SYNJ2: variants seen among roughly 807,000 people sequenced by gnomAD.
The protein encoded by SYNJ2 is synaptojanin 2.
In SYNJ2, 116 loss-of-function variants were observed where a neutral mutation model predicts 141.3. That is an observed-to-expected ratio of 0.82 (90% CI 0.71 to 0.96). The LOEUF (loss-of-function observed/expected upper bound fraction) is 0.96, where lower values mean the gene tolerates loss of function less well. Among genes scored for constraint, SYNJ2 ranks in the 40% least tolerant of loss-of-function variants. The pLI is 0.00. For missense variants in SYNJ2, 1,873 were observed against 1,934.8 expected, an observed-to-expected ratio of 0.97 and a Z score of 0.60; for synonymous variants, 745 against 777.7, an observed-to-expected ratio of 0.96 and a Z score of 0.70.
chr6:157,999,139 A>G (rs1777741814), intron 1 of SYNJ2, among the ~76,000 whole-genome samples: 1 of 152,262 alleles, frequency 6.6e-6, no homozygotes, highest in African/African-American at 2.4e-5. Context: ...TTGGCAAAGG[A>G]TATAATGAGC....
intron 2 of SYNJ2, among the ~76,000 whole-genome samples, chr6:158,020,670 C>T (rs1184680028): frequency 6.6e-6 from 1 of 151,118 alleles, no homozygotes; most frequent in Non-Finnish European, 1.5e-5. Context: ...AGCTGCGTGA[C>T]TTCAGCTGTG....
intron 1 of SYNJ2, among the ~76,000 whole-genome samples, chr6:157,999,495 A>G (rs1777756054): frequency 6.6e-6 from 1 of 152,178 alleles, no homozygotes; most frequent in South Asian, 2.1e-4. Context: ...GCCCAGATTG[A>G]GCCTGCCCTC....
intron 5 of SYNJ2, 23 bp from the exon 6 acceptor site, chr6:158,054,944 G>C: frequency 6.2e-7 from 1 of 1,612,986 alleles, no homozygotes; most frequent in Non-Finnish European, 8.5e-7. Context: ...AAGAATCACT[G>C]TTGTTACTTC....
intron 1 of SYNJ2, among the ~76,000 whole-genome samples, chr6:158,005,173 G>A (rs1308778203): frequency 4.6e-5 from 7 of 151,148 alleles, no homozygotes; most frequent in Non-Finnish European, 1.0e-4. Flanking sequence ...CGCCTCCCAG[G>A]TTCACGCCAT....
chr6:158,039,475 T>A (rs1288735755), intron 4 of SYNJ2, among the ~76,000 whole-genome samples: 1 of 152,208 alleles, frequency 6.6e-6, no homozygotes, highest in Non-Finnish European at 1.5e-5. Flanking sequence ...CTGTTTCAGG[T>A]GCCAGTGATC....
At chr6:158,081,624 TTTTTTTTTTTTC>T (rs1311685256) in intron 20 of SYNJ2, 114 bp downstream of exon 20, 13 of 462,348 alleles carry the variant, frequency 2.8e-5, no homozygotes, top group Non-Finnish European at 3.8e-5. Context: ...TTTTTTTTTT[TTTTTTTTTTTTC>T]TCTGAGACAA....
chr6:158,011,371 AGTTT>A, intron 1 of SYNJ2, among the ~76,000 whole-genome samples: 1 of 152,168 alleles, frequency 6.6e-6, no homozygotes, highest in East Asian at 1.9e-4. Flanking sequence ...GGGGCCTCCC[AGTTT>A]GTTTACAGTG....
At chr6:158,010,901 G>T in intron 1 of SYNJ2, among the ~76,000 whole-genome samples, 1 of 150,648 alleles carries the variant, frequency 6.6e-6, no homozygotes, top group Non-Finnish European at 1.5e-5. Flanking sequence ...TGCCAAAAGA[G>T]GATGGCCTCG....
intron 1 of SYNJ2, among the ~76,000 whole-genome samples, chr6:157,992,859 GTTGC>G (rs1210644335): frequency 6.6e-6 from 1 of 152,180 alleles, no homozygotes; most frequent in East Asian, 1.9e-4. Flanking sequence ...GGACACTGAA[GTTGC>G]TTCCAAATCT....
At position 158,027,087 on chromosome 6, in the gene SYNJ2, C is replaced by A; in HGVS notation, c.215-1669C>A. The A allele has an allele frequency of 2.0e-6, 2 of 985,322 alleles. No individual in the cohort carries two copies. The highest frequency in any genetic ancestry group is 2.4e-6 in the Non-Finnish European group (2 of 829,932). The allele number at this position is 985,322 out of a possible 1,614,324, so 61.0% of individuals were successfully genotyped here. On this transcript the variant is annotated intron_variant, in intron 2 of 26. Coordinates refer to ENST00000355585, the MANE Select transcript of SYNJ2 (RefSeq NM_003898.4). This position sits in a 1 kb window ranked among gnomAD's most constrained non-coding sequence, Gnocchi z 4.6. The stretch of plus-strand genomic sequence containing the variant: ...GCAGCAGGCCCCTGGGAGCCCTGAG[C>A]GCTCATTAAAGGAACGCACTTTAAT...
At chr6:158,012,779 T>C (rs1778313178) in intron 1 of SYNJ2, among the ~76,000 whole-genome samples, 1 of 152,220 alleles carries the variant, frequency 6.6e-6, no homozygotes, top group African/African-American at 2.4e-5. Flanking sequence ...AGTACTTTTC[T>C]AAGTGATCCT....
intron 1 of SYNJ2, among the ~76,000 whole-genome samples, chr6:157,988,315 G>T (rs1033540822): frequency 2.0e-5 from 3 of 152,156 alleles, no homozygotes; most frequent in Admixed American, 6.5e-5. Context: ...GGCTGGGGCC[G>T]CCCTCCCCAC....
intron 3 of SYNJ2, 130 bp downstream of exon 3, chr6:158,029,156 G>A: frequency 8.1e-7 from 1 of 1,237,588 alleles, no homozygotes; most frequent in South Asian, 1.5e-5. Context: ...GGAGAGTTAG[G>A]ACCCAGGCCT....
intron 3 of SYNJ2, among the ~76,000 whole-genome samples, chr6:158,033,198 G>C (rs1383249530): frequency 6.6e-6 from 1 of 152,222 alleles, no homozygotes; most frequent in Middle Eastern, 3.2e-3. Context: ...CGACCTGGTA[G>C]TGGCTTTGGG....
In SYNJ2 at chr6:158,074,637, A is replaced by G. The variant is rs766210345; in HGVS notation, c.2191A>G (p.Ile731Val). Reference protein sequence around the residue: ...VFWCGDFNYRIDLTYEEVFYF... With the variant: ...VFWCGDFNYRVDLTYEEVFYF... ...TTGGTGTGGCGATTTCAACTACCGCATTGATCTTACTTATGAAGAAGTCTT... is the reference window on the plus strand; with the variant it reads ...TTGGTGTGGCGATTTCAACTACCGCGTTGATCTTACTTATGAAGAAGTCTT... Residue 731 changes from isoleucine (I) to valine (V), a missense_variant, in exon 16 of 27, where the codon ATT becomes GTT. Physicochemically the swap from Ile to Val is conservative, Grantham distance 29 (BLOSUM62 3). Transcript: ENST00000355585. 6.2e-7 allele frequency: 1 copy of G among 1,614,096 alleles called. No individual in the cohort carries two copies. Among genetic ancestry groups the G allele is most frequent in the Non-Finnish European group, 8.5e-7 (1 of 1,180,002 alleles).
chr6:158,090,847 G>A (rs1391646868), intron 25 of SYNJ2, among the ~76,000 whole-genome samples: 2 of 151,898 alleles, frequency 1.3e-5, no homozygotes, highest in African/African-American at 4.8e-5. Flanking sequence ...ACCTGGCCGA[G>A]TGTGCCCTTT....
chr6:158,019,931 C>G (rs1164935104), intron 2 of SYNJ2, among the ~76,000 whole-genome samples: 2 of 152,110 alleles, frequency 1.3e-5, no homozygotes, highest in Non-Finnish European at 2.9e-5. Flanking sequence ...TTTTCTTTTT[C>G]CCCTGTAAGT....
chr6:158,053,091 A>G (rs1780657511), intron 5 of SYNJ2, among the ~76,000 whole-genome samples: 1 of 152,182 alleles, frequency 6.6e-6, no homozygotes, highest in Admixed American at 6.5e-5. Flanking sequence ...CCCTACATTT[A>G]CATTTTCCTA....
Position 158,043,409 on chromosome 6 carries a change from G to A in SYNJ2, c.795+10G>A, listed in dbSNP as rs1378147526. 1.2e-6 allele frequency: 2 copies of A among 1,611,212 alleles called. No homozygotes were observed. Among genetic ancestry groups the A allele is most frequent in the Non-Finnish European group, 1.7e-6 (2 of 1,177,642 alleles). On this transcript the variant is annotated intron_variant, in intron 5 of 26. Transcript: ENST00000355585. The surrounding 1 kb of genome is among the most constrained non-coding windows in gnomAD (Gnocchi z 4.0). Reference sequence around the variant, plus strand: ...ACAGCCAGGGCTTCAGGTAGGTCATGAAAAAACTTAAATGTCCCCTTGTGA... The same window carrying A: ...ACAGCCAGGGCTTCAGGTAGGTCATAAAAAAACTTAAATGTCCCCTTGTGA...
Sources: gnomAD v4.1 joint callset for allele counts (sites outside exome capture counted in the v4.1 genomes callset) on GRCh38, gnomAD v4.1.1 for gene constraint, Gnocchi (gnomAD v3.1) non-coding constraint, MANE v1.5 for transcripts, NCBI Gene and HGNC (gene_info 2026-07-23, HGNC 2026-07-21) for gene names.